Variants in TMEM165 observed in about 807,000 individuals in gnomAD.
TMEM165 encodes the protein transmembrane protein 165.
A neutral mutation model predicts 30.0 loss-of-function variants in TMEM165; 19 were observed. The observed-to-expected ratio is 0.63, with a 90% confidence interval of 0.44 to 0.93. TMEM165 has a LOEUF of 0.93. Among genes scored for constraint, TMEM165 ranks in the 40% least tolerant of loss-of-function variants. The pLI is 0.00. For synonymous variants in TMEM165, 168 were observed against 162.9 expected (o/e 1.03, Z -0.24); for missense variants, 340 against 417.0 (o/e 0.82, Z 1.61).
chr4:55,451,229 T>C (rs1724419826), intron 3 of TMEM165, among the ~76,000 whole-genome samples: 1 of 152,188 alleles, frequency 6.6e-6, no homozygotes, highest in African/African-American at 2.4e-5. Flanking sequence ...TCTGTTCTTA[T>C]TGATCACCAA....
At chr4:55,448,599 CGCGTGTGTGTGTGTGTGTGT>C (rs1239630478) in intron 3 of TMEM165, among the ~76,000 whole-genome samples, 7 of 105,666 alleles carry the variant, frequency 6.6e-5, no homozygotes, top group East Asian at 5.3e-4. Context: ...CGCGCACGCG[CGCGTGTGTGTGTGTGTGTGT>C]GTGTGTGTGT....
chr4:55,404,119 C>CT (rs1721172914), intron 1 of TMEM165, among the ~76,000 whole-genome samples: 1 of 149,972 alleles, frequency 6.7e-6, no homozygotes, highest in South Asian at 2.1e-4. Flanking sequence ...TCTTGGCACA[C>CT]TGCAACCTCA....
chr4:55,411,134 CAAA>C (rs575523700), intron 1 of TMEM165, among the ~76,000 whole-genome samples: 9 of 65,866 alleles, frequency 1.4e-4, no homozygotes, highest in East Asian at 5.0e-4. Context: ...GATTTTGTCT[CAAA>C]AAAAAAAAAA....
At chr4:55,438,355 T>C (rs1359187287) in intron 3 of TMEM165, 9 of 1,613,746 alleles carry the variant, frequency 5.6e-6, no homozygotes, top group African/African-American at 2.7e-5. Flanking sequence ...CTGCTGCTCC[T>C]GGGAGCTCTG....
intron 1 of TMEM165, among the ~76,000 whole-genome samples, chr4:55,403,495 T>TTC (rs1553885353): frequency 2.1e-5 from 3 of 144,912 alleles, no homozygotes; most frequent in Admixed American, 6.8e-5. Context: ...CCTTTTTCTT[T>TTC]TTCTTTTTTT....
Position 55,396,071 on chromosome 4 carries a change from C to T in TMEM165, c.-119C>T. 1.2e-6 allele frequency: 1 copy of T among 824,462 alleles called. No homozygotes were observed. The highest frequency in any genetic ancestry group is 1.7e-6 in the Non-Finnish European group (1 of 603,534). The allele number at this position is 824,462 out of a possible 1,614,324, so 51.1% of individuals were successfully genotyped here. On this transcript the variant is annotated 5_prime_UTR_variant, in exon 1 of 6. Coordinates refer to ENST00000381334, the MANE Select transcript of TMEM165 (RefSeq NM_018475.5). ...ACCTCCCGGATGGTGCTGACTGCTC[C>T]CTAAGCGGCGGCGGCGGCGAGTCGT...
intron 3 of TMEM165, among the ~76,000 whole-genome samples, chr4:55,448,425 A>AAG (rs1724061088): frequency 6.6e-6 from 1 of 152,156 alleles, no homozygotes; most frequent in Non-Finnish European, 1.5e-5. Context: ...TTTGTTGTGC[A>AAG]AGACTCTTAT....
chr4:55,398,998 G>A (rs1001572086), intron 1 of TMEM165: 4 of 151,860 alleles, frequency 2.6e-5, no homozygotes, highest in African/African-American at 9.7e-5. Context: ...TGGATATAAT[G>A]TGATTTTGTA....
At chr4:55,417,601 G>A (rs1280350503) in intron 3 of TMEM165, 1 of 586,228 alleles carries the variant, frequency 1.7e-6, no homozygotes, top group African/African-American at 1.9e-5. Context: ...TTGTTCAGCT[G>A]AGGAGAAACG....
intron 3 of TMEM165, among the ~76,000 whole-genome samples, chr4:55,451,987 A>T (rs1392876929): frequency 6.6e-6 from 1 of 152,064 alleles, no homozygotes; most frequent in Non-Finnish European, 1.5e-5. Context: ...TGCCTATTTA[A>T]CTCAAGTTTT....
At position 55,424,556 on chromosome 4, in the gene TMEM165, G is replaced by T. The variant is rs764212150; in HGVS notation, c.811G>T (p.Val271Leu). 6.2e-7 allele frequency: 1 copy of T among 1,613,022 alleles called. No individual in the cohort carries two copies. The change falls in exon 5 of 6, where the codon GTG becomes TTG. Residue 271 changes from valine to leucine, a missense_variant. This residue lies in a region of TMEM165 where 220 missense variants were observed against 307.6 expected (regional missense o/e 0.72). Coordinates refer to ENST00000381334, the MANE Select transcript of TMEM165 (RefSeq NM_018475.5). ...AAREDPYGVA[V>L]GGTVGHCLCT... Reference sequence around the variant, plus strand: ...CTTCCAGGACCCCTATGGTGTAGCCGTGGGTGGAACTGTGGGGCACTGCCT... The same window carrying T: ...CTTCCAGGACCCCTATGGTGTAGCCTTGGGTGGAACTGTGGGGCACTGCCT...
In TMEM165 at chr4:55,425,517, C is replaced by A; in HGVS notation, c.*65C>A. 7.9e-7 allele frequency: 1 copy of A among 1,266,014 alleles called. No individual in the cohort carries two copies. The highest frequency in any genetic ancestry group is 1.1e-6 in the Non-Finnish European group (1 of 877,126). The allele number at this position is 1,266,014 out of a possible 1,614,324, so 78.4% of individuals were successfully genotyped here. On this transcript the variant is annotated 3_prime_UTR_variant, in exon 6 of 6. Transcript: ENST00000381334. ...GTATTATCTTTCTGTACATAGTGTA[C>A]ATTACAACTAAAAGTGATGGAAAAA...
At chr4:55,447,745 T>G (rs889387376) in intron 3 of TMEM165, among the ~76,000 whole-genome samples, 3 of 152,110 alleles carry the variant, frequency 2.0e-5, no homozygotes, top group African/African-American at 7.3e-5. Flanking sequence ...TGACTTAAAT[T>G]AAATAACCAT....
chr4:55,421,166 CAAAAAAA>C (rs71194559), intron 4 of TMEM165, among the ~76,000 whole-genome samples: 4 of 83,488 alleles, frequency 4.8e-5, no homozygotes, highest in Non-Finnish European at 6.9e-5. Context: ...GATTCCATCT[CAAAAAAA>C]AAAAAAAAAA....
chr4:55,451,920 C>G (rs1372527100), intron 3 of TMEM165, among the ~76,000 whole-genome samples: 1 of 152,164 alleles, frequency 6.6e-6, no homozygotes, highest in East Asian at 1.9e-4. Flanking sequence ...GTAGAAGGTA[C>G]TTTATAACAT....
intron 1 of TMEM165, among the ~76,000 whole-genome samples, chr4:55,404,891 G>A (rs1396766557): frequency 1.3e-5 from 2 of 152,158 alleles, no homozygotes; most frequent in Non-Finnish European, 2.9e-5. Context: ...CAGTTTTCCT[G>A]TATTAAAACT....
chr4:55,437,857 A>AT (rs1368474448), intron 3 of TMEM165, among the ~76,000 whole-genome samples: 1 of 152,238 alleles, frequency 6.6e-6, no homozygotes, highest in Non-Finnish European at 1.5e-5. Context: ...CTGAAAAATT[A>AT]TAATAAGATT....
intron 1 of TMEM165, among the ~76,000 whole-genome samples, chr4:55,405,214 GTTA>G (rs1721224073): frequency 6.6e-6 from 1 of 152,092 alleles, no homozygotes. Flanking sequence ...CTCACTTAAT[GTTA>G]TTAATAGATT....
intron 4 of TMEM165, among the ~76,000 whole-genome samples, chr4:55,420,396 C>T (rs1721926861): frequency 6.6e-6 from 1 of 151,412 alleles, no homozygotes; most frequent in Non-Finnish European, 1.5e-5. Context: ...CACCCTGGTC[C>T]ATTCTAGCAG....
Sources: allele counts gnomAD v4.1 joint callset (sites outside exome capture counted in the v4.1 genomes callset), GRCh38; gene constraint gnomAD v4.1.1; regional missense constraint gnomAD v4.1.1; transcripts MANE v1.5; gene names NCBI Gene and HGNC (gene_info 2026-07-23, HGNC 2026-07-21).